Variants in PHACTR2 observed in about 807,000 individuals in gnomAD.
PHACTR2 encodes chromosome 6 open reading frame 56.
PHACTR2 carries 30 observed loss-of-function variants against 76.0 expected under a neutral mutation model. That is an observed-to-expected ratio of 0.39 (90% CI 0.30 to 0.54). The LOEUF (loss-of-function observed/expected upper bound fraction) is 0.54, where lower values mean the gene tolerates loss of function less well. Ranked by LOEUF, PHACTR2 falls within the 20% of genes least tolerant of loss-of-function variation. The pLI is 0.61. For synonymous variants in PHACTR2, 292 were observed against 292.5 expected (o/e 1.00, Z 0.02); for missense variants, 696 against 781.1 (o/e 0.89, Z 1.30).
intron 12 of PHACTR2, among the ~76,000 whole-genome samples, chr6:143,817,176 G>C (rs762688610): frequency 6.6e-6 from 1 of 151,098 alleles, no homozygotes; most frequent in Non-Finnish European, 1.5e-5. Context: ...TACCAATGGA[G>C]AGAGAAAACA....
Position 143,554,944 on chromosome 6 carries a change from GTA to G in PHACTR2, c.217+17742_217+17743del, listed in dbSNP as rs1775151063. On this transcript the variant is annotated intron_variant, in intron 1 of 11. Coordinates refer to the PHACTR2 transcript ENST00000367584. The surrounding 1 kb of genome is among the most constrained non-coding windows in gnomAD (Gnocchi z 5.9). ...TTGAGTTGATAAATAATCCTTTGTGGTATATACATTGGAAGTATTTTTCTGCT... is the reference window on the plus strand; with the variant it reads ...TTGAGTTGATAAATAATCCTTTGTGGTATACATTGGAAGTATTTTTCTGCT... The G allele has an allele frequency of 4.6e-5, 7 of 151,806 alleles. No homozygotes were observed. Among genetic ancestry groups the G allele is most frequent in the Admixed American group, 4.6e-4 (7 of 15,228 alleles). The allele number at this position is 151,806 out of a possible 1,614,324, so 9.4% of individuals were successfully genotyped here.
intron 2 of PHACTR2, among the ~76,000 whole-genome samples, chr6:143,720,208 C>G (rs1778407669): frequency 6.6e-6 from 1 of 152,122 alleles, no homozygotes. Context: ...GTTACAGGCT[C>G]TAGGGATACT....
At chr6:143,714,105 A>G (rs1778247116) in intron 2 of PHACTR2, among the ~76,000 whole-genome samples, 1 of 152,222 alleles carries the variant, frequency 6.6e-6, no homozygotes, top group African/African-American at 2.4e-5. Flanking sequence ...ACCAAGAGAA[A>G]GTTATTTTCT....
chr6:143,678,154 G>A lies in PHACTR2; in HGVS notation c.-10G>A. 6.5e-7 allele frequency: 1 copy of A among 1,545,194 alleles called. No homozygotes were observed. The highest frequency in any genetic ancestry group is 8.7e-7 in the Non-Finnish European group (1 of 1,144,638). ...GCTTGATCGCTGGACCTGGCCCTGC[G>A]ACCCCAGTCATGGGCCAGACCTCGG... is the stretch of plus-strand genomic sequence containing the variant. On this transcript the variant is annotated 5_prime_UTR_variant, in exon 1 of 13. Coordinates refer to ENST00000440869, the MANE Select transcript of PHACTR2 (RefSeq NM_001100164.2). The surrounding 1 kb of genome is among the most constrained non-coding windows in gnomAD (Gnocchi z 6.2).
At position 143,701,304 on chromosome 6, in the gene PHACTR2, T is replaced by TA. The variant is rs201302497; in HGVS notation, c.47-10705dup. Reference sequence around the variant, plus strand: ...GTTTAAAAATAATGTCTGCCTCTGTTAAAAAAACAAGTTTAAAAATTGATA... The same window carrying TA: ...GTTTAAAAATAATGTCTGCCTCTGTTAAAAAAAACAAGTTTAAAAATTGATA... On this transcript the variant is annotated intron_variant, in intron 1 of 12. Transcript: ENST00000440869. Among the ~76,000 whole-genome samples, 220 of 152,252 alleles carry TA rather than the reference T, an allele frequency of 1.4e-3. 3 individuals carry two copies. In the East Asian group the frequency reaches 0.022, roughly 15 times the overall value.
chr6:143,661,871 G>T (rs573951296), intron 1 of PHACTR2, among the ~76,000 whole-genome samples: 3 of 152,108 alleles, frequency 2.0e-5, no homozygotes, highest in Non-Finnish European at 4.4e-5. Flanking sequence ...ATTTTCCCTT[G>T]TGCATTCTCA....
intron 1 of PHACTR2, among the ~76,000 whole-genome samples, chr6:143,552,195 A>C (rs1168572639): frequency 1.3e-5 from 2 of 151,490 alleles, no homozygotes; most frequent in Non-Finnish European, 1.5e-5. Flanking sequence ...CACAGCTGGA[A>C]AAAAAAAATT....
In PHACTR2 at chr6:143,663,402, TTC is replaced by T. The variant is rs151139283; in HGVS notation, c.14-48612_14-48611del. Among the ~76,000 whole-genome samples, 2,775 of 152,314 alleles carry T rather than the reference TTC, an allele frequency of 0.018. 84 individuals are homozygous for T. The highest frequency in any genetic ancestry group is 0.061 in the African/African-American group (2,554 of 41,544). Reference sequence around the variant, plus strand: ...TGAATCACTTCTCTTGATTTTAAGATTCTGTTTCATTGGTGCCCTTGTTTTTA... The same window carrying T: ...TGAATCACTTCTCTTGATTTTAAGATTGTTTCATTGGTGCCCTTGTTTTTA... On this transcript the variant is annotated intron_variant, in intron 1 of 11. Transcript: ENST00000305766. The surrounding 1 kb of genome is among the most constrained non-coding windows in gnomAD (Gnocchi z 4.1).
intron 1 of PHACTR2, among the ~76,000 whole-genome samples, chr6:143,690,539 C>T (rs1056884060): frequency 6.6e-6 from 1 of 152,132 alleles, no homozygotes; most frequent in African/African-American, 2.4e-5. Context: ...CATGCTTGGT[C>T]GAGAGCTTGG....
At chr6:143,716,539 A>T (rs1396859338) in intron 2 of PHACTR2, among the ~76,000 whole-genome samples, 1 of 152,344 alleles carries the variant, frequency 6.6e-6, no homozygotes, top group African/African-American at 2.4e-5. Flanking sequence ...GGGTTTCACC[A>T]TGTTGCCCAG....
chr6:143,786,350 C>G (rs193166808), intron 10 of PHACTR2, among the ~76,000 whole-genome samples: 1 of 152,386 alleles, frequency 6.6e-6, no homozygotes, highest in Non-Finnish European at 1.5e-5. Flanking sequence ...GAGACCACCT[C>G]AGCCTGGACC....
chr6:143,597,672 A>G lies in PHACTR2; in HGVS notation c.217+60465A>G, dbSNP rs1775769343. ...TACATGGTTCCATTTGTGTTCTAGC[A>G]TAGAGGTTTTTAAAGTCTTTATTCA... On this transcript the variant is annotated intron_variant, in intron 1 of 11. Transcript: ENST00000367584. This position sits in a 1 kb window ranked among gnomAD's most constrained non-coding sequence, Gnocchi z 5.7. 1.3e-5 allele frequency among the ~76,000 whole-genome samples: 2 copies of G among 152,136 alleles called. No individual in the cohort carries two copies. Among genetic ancestry groups the G allele is most frequent in the African/African-American group, 4.8e-5 (2 of 41,416 alleles).
At chr6:143,668,474 G>A (rs572247742) in intron 1 of PHACTR2, among the ~76,000 whole-genome samples, 1 of 152,236 alleles carries the variant, frequency 6.6e-6, no homozygotes, top group African/African-American at 2.4e-5. Context: ...TGTACCTCTG[G>A]TAGAATTCGG....
intron 4 of PHACTR2, among the ~76,000 whole-genome samples, chr6:143,759,610 G>C (rs1023870622): frequency 1.4e-5 from 2 of 146,362 alleles, no homozygotes; most frequent in South Asian, 2.1e-4. Context: ...GCCTGAGTGA[G>C]AGAGCGAGAC....
chr6:143,777,436 C>G lies in PHACTR2; in HGVS notation c.1645+53C>G. ...CCTTGTGTAATCGCTAACAAGCTGC[C>G]TCTACAGATGATCGATTTATCAGTA... On this transcript the variant is annotated intron_variant, in intron 9 of 12. Transcript: ENST00000440869. This position sits in a 1 kb window ranked among gnomAD's most constrained non-coding sequence, Gnocchi z 4.6. 1.1e-6 allele frequency: 1 copy of G among 903,638 alleles called. No individual in the cohort carries two copies. The highest frequency in any genetic ancestry group is 1.7e-6 in the Non-Finnish European group (1 of 583,038). The allele number at this position is 903,638 out of a possible 1,614,324, so 56.0% of individuals were successfully genotyped here.
Position 143,760,491 on chromosome 6 carries a change from A to T in PHACTR2, c.545A>T (p.Lys182Ile). Residue 182 changes from lysine to isoleucine, a missense_variant, in exon 5 of 13, where the codon AAA becomes ATA. Lys to Ile is a moderately radical substitution (Grantham distance 102). Transcript: ENST00000440869. This position sits in a 1 kb window ranked among gnomAD's most constrained non-coding sequence, Gnocchi z 6.4. The part of the protein sequence containing the change: ...PKPRPKPKPK[K>I]SPVPPKGATA... ...CCTAGACCCAAACCTAAACCCAAAA[A>T]ATCACCTGTGCCTCCGAAAGGGGCC... 1 of 1,613,762 alleles carries T rather than the reference A, an allele frequency of 6.2e-7. No homozygotes were observed. Among genetic ancestry groups the T allele is most frequent in the Non-Finnish European group, 8.5e-7 (1 of 1,179,802 alleles).
intron 12 of PHACTR2, among the ~76,000 whole-genome samples, chr6:143,815,315 T>A (rs968558517): frequency 6.6e-6 from 1 of 152,074 alleles, no homozygotes; most frequent in Non-Finnish European, 1.5e-5. Context: ...AACATAAGTA[T>A]ATGTACAGGA....
rs78951877 is a variant in PHACTR2 at position 143,653,987 on chromosome 6, T to A, written c.13+45665T>A. ...TTGTATCTGAAAAGGGAAGTATCTA[T>A]ATAGAGAACAATTACAATGCAATAA... is the stretch of plus-strand genomic sequence containing the variant. On this transcript the variant is annotated intron_variant, in intron 1 of 11. Transcript: ENST00000305766. The surrounding 1 kb of genome is among the most constrained non-coding windows in gnomAD (Gnocchi z 4.9). Among the ~76,000 whole-genome samples the A allele has an allele frequency of 0.011, 1,734 of 152,294 alleles. 42 individuals are homozygous for A. The highest frequency in any genetic ancestry group is 0.04 in the African/African-American group (1,646 of 41,558).
intron 1 of PHACTR2, among the ~76,000 whole-genome samples, chr6:143,632,196 C>T (rs918053794): frequency 3.3e-5 from 5 of 152,140 alleles, no homozygotes; most frequent in Non-Finnish European, 7.3e-5. Flanking sequence ...TTCCCTATCT[C>T]GAGCACTGCC....
Sources: gnomAD v4.1 joint callset for allele counts (sites outside exome capture counted in the v4.1 genomes callset) on GRCh38, gnomAD v4.1.1 for gene constraint, Gnocchi (gnomAD v3.1) non-coding constraint, MANE v1.5 for transcripts, NCBI Gene and HGNC (gene_info 2026-07-23, HGNC 2026-07-21) for gene names.